The following CCDC85C variants were observed in gnomAD, a reference collection of about 807,000 sequenced individuals.
CCDC85C encodes the protein coiled-coil domain containing 85C.
CCDC85C carries 18 observed loss-of-function variants against 38.3 expected under a neutral mutation model. The observed-to-expected ratio is 0.47, with a 90% CI of 0.33 to 0.70. The LOEUF is 0.70. Ranked by LOEUF, CCDC85C falls within the 30% of genes least tolerant of loss-of-function variation. CCDC85C has a pLI of 0.03. For synonymous variants in CCDC85C, 264 were observed against 293.8 expected (o/e 0.90, Z 1.04); for missense variants, 566 against 621.2 (o/e 0.91, Z 0.94).
chr14:99,542,186 T>C (rs1897726773), intron 1 of CCDC85C, among the ~76,000 whole-genome samples: 1 of 152,040 alleles, frequency 6.6e-6, no homozygotes, highest in Admixed American at 6.6e-5. Flanking sequence ...TTAAGAGGAG[T>C]CAGCTGCAGC....
intron 1 of CCDC85C, among the ~76,000 whole-genome samples, chr14:99,579,721 G>A (rs2054944704): frequency 6.6e-6 from 1 of 152,158 alleles, no homozygotes; most frequent in Non-Finnish European, 1.5e-5. Flanking sequence ...GGCAGGCCTG[G>A]GGGAGTCCAG....
chr14:99,503,087 CAG>C lies in CCDC85C; in HGVS notation c.*12157_*12158del, dbSNP rs776969319. The stretch of plus-strand genomic sequence containing the variant: ...AAGCGAGCACAGGGAACACCGGAAG[CAG>C]GGGGTGTTCGCCGAAACTCGCAGTC... On this transcript the variant is annotated 3_prime_UTR_variant, in exon 6 of 6. Transcript: ENST00000380243. 6 of 1,333,878 alleles carry C rather than the reference CAG, an allele frequency of 4.5e-6. No individual in the cohort carries two copies. The highest frequency in any genetic ancestry group is 1.2e-5 in the South Asian group (1 of 85,364). The allele number at this position is 1,333,878 out of a possible 1,614,324, so 82.6% of individuals were successfully genotyped here. A position where few individuals can be genotyped will look rare whatever the true frequency, so the allele number is the denominator to read the frequency against.
At position 99,603,941 on chromosome 14, in the gene CCDC85C, T is replaced by TCGCCGC. The variant is rs1326155730; in HGVS notation, c.13_18dup (p.Ala5_Ala6dup). 7.1e-7 allele frequency: 1 copy of TCGCCGC among 1,407,098 alleles called. No homozygotes were observed. The highest frequency in any genetic ancestry group is 2.9e-5 in the Admixed American group (1 of 34,110). The allele number at this position is 1,407,098 out of a possible 1,614,324, so 87.2% of individuals were successfully genotyped here. On this transcript the variant is annotated inframe_insertion, in exon 1 of 6. Coordinates refer to ENST00000380243, the MANE Select transcript of CCDC85C (RefSeq NM_001144995.2). The surrounding 1 kb of genome is among the most constrained non-coding windows in gnomAD (Gnocchi z 7.5). Reference sequence around the variant, plus strand: ...AGCTCCTCCGACGCCGCCGCCGCCGTCGCCGCGGGCTTAGCCATGGCGGGG... The same window carrying TCGCCGC: ...AGCTCCTCCGACGCCGCCGCCGCCGTCGCCGCCGCCGCGGGCTTAGCCATGGCGGGG...
chr14:99,559,572 G>A (rs1395796785), intron 1 of CCDC85C, among the ~76,000 whole-genome samples: 1 of 152,186 alleles, frequency 6.6e-6, no homozygotes, highest in Non-Finnish European at 1.5e-5. Context: ...GGAGCCACCT[G>A]CCACAGCCTC....
At chr14:99,556,034 G>A (rs980586659) in intron 1 of CCDC85C, among the ~76,000 whole-genome samples, 1 of 152,236 alleles carries the variant, frequency 6.6e-6, no homozygotes, top group South Asian at 2.1e-4. Context: ...AATGCAGTTG[G>A]AAAAATGTCA....
rs1368211849 is a variant in CCDC85C at position 99,505,113 on chromosome 14, A to G, written c.*10133T>C. On this transcript the variant is annotated 3_prime_UTR_variant, in exon 6 of 6. Coordinates refer to ENST00000380243, the MANE Select transcript of CCDC85C (RefSeq NM_001144995.2). Reference sequence around the variant, plus strand: ...GAGGACTGTGAGTTTGGCAGAGGCAAGGGAAGCCATTGGAGATTTAGCAGG... The same window carrying G: ...GAGGACTGTGAGTTTGGCAGAGGCAGGGGAAGCCATTGGAGATTTAGCAGG... 2 of 152,320 alleles carry G rather than the reference A, an allele frequency of 1.3e-5. No individual in the cohort carries two copies. Among genetic ancestry groups the G allele is most frequent in the Non-Finnish European group, 2.9e-5 (2 of 68,110 alleles). The allele number at this position is 152,320 out of a possible 1,614,324, so 9.4% of individuals were successfully genotyped here. A position where few individuals can be genotyped will look rare whatever the true frequency, so the allele number is the denominator to read the frequency against.
chr14:99,537,391 A>G (rs1463188943), intron 1 of CCDC85C, among the ~76,000 whole-genome samples: 2 of 152,114 alleles, frequency 1.3e-5, no homozygotes, highest in African/African-American at 4.8e-5. Context: ...GGGACAAGCC[A>G]GGACCACCAT....
intron 3 of CCDC85C, among the ~76,000 whole-genome samples, chr14:99,517,532 G>A (rs1897246173): frequency 6.6e-6 from 1 of 152,198 alleles, no homozygotes; most frequent in South Asian, 2.1e-4. Flanking sequence ...GGGAGGGCAA[G>A]AGACCCAGAT....
Position 99,501,497 on chromosome 14 carries a change from TTG to T in CCDC85C, c.*13747_*13748del, listed in dbSNP as rs1357635915. On this transcript the variant is annotated 3_prime_UTR_variant, in exon 6 of 6. Coordinates refer to ENST00000380243, the MANE Select transcript of CCDC85C (RefSeq NM_001144995.2). Reference sequence around the variant, plus strand: ...GACCATTTCATCTAAACCCCTCATTTTGTGTCAGAAGAAACTGACTTGCCCTG... The same window carrying T: ...GACCATTTCATCTAAACCCCTCATTTTGTCAGAAGAAACTGACTTGCCCTG... The T allele has an allele frequency of 3.1e-6, 3 of 963,724 alleles. No individual in the cohort carries two copies. The highest frequency in any genetic ancestry group is 3.2e-5 in the African/African-American group (2 of 61,666). The allele number at this position is 963,724 out of a possible 1,614,324, so 59.7% of individuals were successfully genotyped here.
intron 1 of CCDC85C, among the ~76,000 whole-genome samples, chr14:99,580,422 G>A (rs1326120161): frequency 6.9e-6 from 1 of 144,880 alleles, no homozygotes; most frequent in African/African-American, 2.6e-5. Flanking sequence ...CAAGCAGAGG[G>A]CGGCATCTCA....
intron 1 of CCDC85C, among the ~76,000 whole-genome samples, chr14:99,587,531 C>A (rs1206727211): frequency 1.3e-5 from 2 of 152,246 alleles, no homozygotes; most frequent in Admixed American, 6.5e-5. Context: ...GGAACAAAGA[C>A]CTTCCAAGGC....
Position 99,502,519 on chromosome 14 carries a change from A to G in CCDC85C, c.*12727T>C. The stretch of plus-strand genomic sequence containing the variant: ...GAAGCATCATTAATTAAATTATCTA[A>G]TAGTTTCCACTTTGTCCAAACACAT... On this transcript the variant is annotated 3_prime_UTR_variant, in exon 6 of 6. Coordinates refer to ENST00000380243, the MANE Select transcript of CCDC85C (RefSeq NM_001144995.2). 2 of 1,361,014 alleles carry G rather than the reference A, an allele frequency of 1.5e-6. No homozygotes were observed. The highest frequency in any genetic ancestry group is 2.0e-6 in the Non-Finnish European group (2 of 1,015,206). 84.3% of individuals were successfully genotyped at this position (1,361,014 alleles called of 1,614,324 possible).
intron 1 of CCDC85C, among the ~76,000 whole-genome samples, chr14:99,586,441 G>A (rs2055026606): frequency 6.6e-6 from 1 of 152,242 alleles, no homozygotes; most frequent in Non-Finnish European, 1.5e-5. Context: ...CCCCAGGCGG[G>A]AAACGGAGGC....
chr14:99,527,099 C>T (rs1647174271), intron 2 of CCDC85C, among the ~76,000 whole-genome samples: 1 of 152,218 alleles, frequency 6.6e-6, no homozygotes, highest in African/African-American at 2.4e-5. Flanking sequence ...TCAACTTGAC[C>T]CCACGGGAAC....
intron 1 of CCDC85C, among the ~76,000 whole-genome samples, chr14:99,555,469 T>G (rs1303047622): frequency 6.6e-6 from 1 of 152,184 alleles, no homozygotes. Flanking sequence ...TTCAAATCCC[T>G]TCTCCTCCCT....
chr14:99,555,281 C>G (rs930132145), intron 1 of CCDC85C, among the ~76,000 whole-genome samples: 3 of 152,200 alleles, frequency 2.0e-5, no homozygotes, highest in Non-Finnish European at 4.4e-5. Context: ...TGGGATGGGA[C>G]AAGTGGGCCT....
At chr14:99,581,333 A>G (rs1018882415) in intron 1 of CCDC85C, among the ~76,000 whole-genome samples, 1 of 152,216 alleles carries the variant, frequency 6.6e-6, no homozygotes, top group African/African-American at 2.4e-5. Flanking sequence ...AGCTGGTCAG[A>G]CCCACCAGAT....
chr14:99,526,659 C>T (rs1897391121), intron 2 of CCDC85C, among the ~76,000 whole-genome samples: 1 of 152,166 alleles, frequency 6.6e-6, no homozygotes, highest in South Asian at 2.1e-4. Flanking sequence ...GGCGACCTCC[C>T]TCCAGGAAGA....
chr14:99,603,732 C>T lies in CCDC85C; in HGVS notation c.228G>A (p.Arg76=). The T allele has an allele frequency of 6.6e-7, 1 of 1,520,740 alleles. No homozygotes were observed. Among genetic ancestry groups the T allele is most frequent in the African/African-American group, 1.4e-5 (1 of 71,032 alleles). The allele number at this position is 1,520,740 out of a possible 1,614,324, so 94.2% of individuals were successfully genotyped here. Residue 76 remains arginine (R), a synonymous_variant, in exon 1 of 6, where the codon CGG becomes CGA. Transcript: ENST00000380243. The surrounding 1 kb of genome is among the most constrained non-coding windows in gnomAD (Gnocchi z 7.5). ...EIRGLKDVNQ[R]LQDDNQELRE... is the part of the protein sequence containing the mutation. ...GCAGCTCCTGGTTGTCGTCCTGCAGCCGCTGGTTCACGTCCTTGAGGCCGC... is the reference window on the plus strand; with the variant it reads ...GCAGCTCCTGGTTGTCGTCCTGCAGTCGCTGGTTCACGTCCTTGAGGCCGC...
Sources: gnomAD v4.1 joint callset for allele counts (sites outside exome capture counted in the v4.1 genomes callset) on GRCh38, gnomAD v4.1.1 for gene constraint, Gnocchi (gnomAD v3.1) non-coding constraint, MANE v1.5 for transcripts, NCBI Gene and HGNC (gene_info 2026-07-23, HGNC 2026-07-21) for gene names.